The following ITGBL1 variants were observed in gnomAD, a reference collection of about 807,000 sequenced individuals.
ITGBL1 encodes the protein integrin subunit beta like 1, also known as integrin beta-like protein 1.
Under a neutral mutation model 68.5 loss-of-function variants are expected in ITGBL1, and 51 were observed. The ratio of observed to expected loss-of-function variants is 0.74; its 90% CI spans 0.59 to 0.94. The LOEUF is 0.94. Ranked by LOEUF, ITGBL1 falls within the 40% of genes least tolerant of loss-of-function variation. The probability of loss-of-function intolerance (pLI) is 0.00; values close to 1 mark genes in which losing one functional copy is unlikely to be tolerated. For synonymous variants in ITGBL1, 209 were observed against 227.3 expected, an observed-to-expected ratio of 0.92 and a Z score of 0.72; for missense variants, 649 against 647.4, an observed-to-expected ratio of 1.00 and a Z score of -0.03.
intron 6 of ITGBL1, among the ~76,000 whole-genome samples, chr13:101,588,874 G>C (rs975405100): frequency 6.6e-6 from 1 of 152,002 alleles, no homozygotes; most frequent in African/African-American, 2.4e-5. Context: ...TGAGAAACTG[G>C]TAAATTCACA....
chr13:101,487,932 A>G (rs565816506), intron 2 of ITGBL1, among the ~76,000 whole-genome samples: 4 of 152,174 alleles, frequency 2.6e-5, no homozygotes, highest in Non-Finnish European at 5.9e-5. Context: ...TTCAGTGTGA[A>G]ACTGGCACAG....
chr13:101,606,928 C>A, intron 7 of ITGBL1, among the ~76,000 whole-genome samples: 1 of 151,892 alleles, frequency 6.6e-6, no homozygotes, highest in African/African-American at 2.4e-5. Flanking sequence ...GATAAACAAA[C>A]ACAGCAAAAA....
At chr13:101,714,675 C>G (rs2034633777) in intron 10 of ITGBL1, 124 bp downstream of exon 10, 1 of 657,316 alleles carries the variant, frequency 1.5e-6, no homozygotes, top group East Asian at 2.6e-5. Context: ...AAATATCTAC[C>G]AAAGGCGAAG....
intron 7 of ITGBL1, among the ~76,000 whole-genome samples, chr13:101,652,080 T>TA (rs1040524172): frequency 2.0e-5 from 3 of 151,914 alleles, no homozygotes; most frequent in Admixed American, 1.3e-4. Context: ...TGTGACTTTT[T>TA]AAAAAAAATT....
intron 7 of ITGBL1, among the ~76,000 whole-genome samples, chr13:101,609,790 A>C (rs1263259711): frequency 6.6e-6 from 1 of 152,184 alleles, no homozygotes; most frequent in Admixed American, 6.6e-5. Flanking sequence ...TCTAACTAAT[A>C]GTCCAGAAAA....
chr13:101,518,195 G>A (rs2049226324), intron 2 of ITGBL1, among the ~76,000 whole-genome samples: 1 of 152,112 alleles, frequency 6.6e-6, no homozygotes, highest in Non-Finnish European at 1.5e-5. Context: ...TAAAGCAAAA[G>A]CTTGTAAATT....
chr13:101,700,010 T>C (rs1194088969), intron 8 of ITGBL1, among the ~76,000 whole-genome samples: 3 of 152,196 alleles, frequency 2.0e-5, no homozygotes, highest in Non-Finnish European at 4.4e-5. Flanking sequence ...TAACTCTAAA[T>C]ATTGGGGTCC....
chr13:101,484,660 A>G (rs563107337), intron 2 of ITGBL1, among the ~76,000 whole-genome samples: 1 of 152,112 alleles, frequency 6.6e-6, no homozygotes, highest in African/African-American at 2.4e-5. Context: ...TAGCGGGGGA[A>G]GTCTGGGTTT....
At chr13:101,557,104 G>A (rs1268601450) in intron 2 of ITGBL1, among the ~76,000 whole-genome samples, 2 of 152,210 alleles carry the variant, frequency 1.3e-5, no homozygotes, top group African/African-American at 4.8e-5. Flanking sequence ...TCCTGCTGGG[G>A]CATGAGGAAT....
chr13:101,564,199 A>G lies in ITGBL1; in HGVS notation c.317-3500A>G, dbSNP rs2050144648. On this transcript the variant is annotated intron_variant, in intron 2 of 10. Coordinates refer to ENST00000376180, the MANE Select transcript of ITGBL1 (RefSeq NM_004791.3). ...TACAAGAGCTGAAATAATTTTTTAA[A>G]AAGAACAAAGTTGGAGTTCTCAGAA... 2.0e-5 allele frequency among the ~76,000 whole-genome samples: 3 copies of G among 152,102 alleles called. No individual in the cohort carries two copies. In the South Asian group the frequency reaches 6.2e-4, roughly 32 times the overall value.
chr13:101,677,330 T>G (rs563075818), intron 7 of ITGBL1, among the ~76,000 whole-genome samples: 1 of 151,382 alleles, frequency 6.6e-6, no homozygotes, highest in African/African-American at 2.4e-5. Context: ...TTTTACTCTT[T>G]AGGTTATATA....
intron 2 of ITGBL1, among the ~76,000 whole-genome samples, chr13:101,556,802 C>G (rs1277897649): frequency 6.6e-6 from 1 of 152,180 alleles, no homozygotes; most frequent in Non-Finnish European, 1.5e-5. Context: ...GGATTCTACT[C>G]AGAGTCTCAA....
intron 2 of ITGBL1, among the ~76,000 whole-genome samples, chr13:101,546,158 A>G (rs2049820104): frequency 6.6e-6 from 1 of 152,214 alleles, no homozygotes; most frequent in Admixed American, 6.5e-5. Flanking sequence ...ATGTGAAATT[A>G]AACTGGTCAC....
intron 2 of ITGBL1, among the ~76,000 whole-genome samples, chr13:101,491,296 C>A (rs1400595781): frequency 2.0e-5 from 3 of 152,132 alleles, no homozygotes; most frequent in Non-Finnish European, 4.4e-5. Context: ...CATCCTCAGA[C>A]CCTCCTTCTC....
chr13:101,591,491 T>C (rs986112577), intron 6 of ITGBL1, among the ~76,000 whole-genome samples: 11 of 152,228 alleles, frequency 7.2e-5, no homozygotes, highest in Admixed American at 2.6e-4. Flanking sequence ...ATGAGAGATT[T>C]AAATTCAGTG....
intron 2 of ITGBL1, among the ~76,000 whole-genome samples, chr13:101,508,010 T>C (rs1013928777): frequency 1.3e-5 from 2 of 152,176 alleles, no homozygotes; most frequent in African/African-American, 2.4e-5. Flanking sequence ...TATTGACATA[T>C]TTCAAATCTG....
chr13:101,675,736 A>C (rs1346204098), intron 7 of ITGBL1, among the ~76,000 whole-genome samples: 1 of 152,146 alleles, frequency 6.6e-6, no homozygotes, highest in East Asian at 1.9e-4. Flanking sequence ...TGTCTTATCC[A>C]TTATTTCTTC....
chr13:101,711,395 A>G (rs2034460630), intron 9 of ITGBL1: 1 of 152,356 alleles, frequency 6.6e-6, no homozygotes, highest in Admixed American at 6.5e-5. Flanking sequence ...AACCTGTCCC[A>G]CATCCCCAGA....
At chr13:101,572,618 C>T (rs149764655) in intron 3 of ITGBL1, among the ~76,000 whole-genome samples, 43 of 152,146 alleles carry the variant, frequency 2.8e-4, no homozygotes, top group African/African-American at 7.7e-4. Context: ...GAGTCTGGAG[C>T]TTTTGCCTGG....
Sources: allele counts gnomAD v4.1 joint callset (sites outside exome capture counted in the v4.1 genomes callset), GRCh38; gene constraint gnomAD v4.1.1; transcripts MANE v1.5; gene names NCBI Gene and HGNC (gene_info 2026-07-23, HGNC 2026-07-21).